Variants in FAAH2 observed in about 807,000 individuals in gnomAD.
The protein encoded by FAAH2 is fatty-acid amide hydrolase 2.
A neutral mutation model predicts 36.9 loss-of-function variants in FAAH2; 60 were observed. The ratio of observed to expected loss-of-function variants is 1.63; its 90% CI spans 1.32 to 2.02. The LOEUF is 2.02. Among genes scored for constraint, FAAH2 ranks in the 30% most tolerant of loss-of-function variants. FAAH2 has a pLI of 0.00. For missense variants in FAAH2, 689 were observed against 397.5 expected, an observed-to-expected ratio of 1.73 and a Z score of -6.23; for synonymous variants, 214 against 143.8, an observed-to-expected ratio of 1.49 and a Z score of -3.49.
chrX:57,446,381 C>A (rs1241466367), intron 8 of FAAH2, among the ~76,000 whole-genome samples: 2 of 112,194 alleles, frequency 1.8e-5, no homozygotes, highest in East Asian at 5.6e-4. Context: ...GCATTCTATT[C>A]AGCCATCCTG....
At chrX:57,212,139 C>A in the FAAH2 span, among the ~76,000 whole-genome samples, 1 of 111,433 alleles carries the variant, frequency 9.0e-6, no homozygotes, top group Non-Finnish European at 1.9e-5. Flanking sequence ...GCTGATGTGG[C>A]AGAAGGATTG....
At chrX:57,164,651 A>G in the FAAH2 span, among the ~76,000 whole-genome samples, 1 of 112,681 alleles carries the variant, frequency 8.9e-6, no homozygotes, top group Non-Finnish European at 1.9e-5. Context: ...AATTTGAAAT[A>G]ATTTAGAAAT....
chrX:57,250,876 C>A, the FAAH2 span, among the ~76,000 whole-genome samples: 2 of 111,072 alleles, frequency 1.8e-5, no homozygotes, highest in Admixed American at 1.9e-4. Context: ...AAAACTTTCC[C>A]AACAAATAGA....
At chrX:57,273,286 A>G in the FAAH2 span, among the ~76,000 whole-genome samples, 4 of 111,467 alleles carry the variant, frequency 3.6e-5, no homozygotes, top group Middle Eastern at 4.6e-3. Context: ...ACCTAGAAAG[A>G]CTTAGACTCC....
chrX:57,262,286 G>C, the FAAH2 span, among the ~76,000 whole-genome samples: 1 of 111,023 alleles, frequency 9.0e-6, no homozygotes, highest in Non-Finnish European at 1.9e-5. Flanking sequence ...TGAAAACTCA[G>C]ATATGTGCTT....
At chrX:57,172,394 A>T in the FAAH2 span, among the ~76,000 whole-genome samples, 3 of 110,754 alleles carry the variant, frequency 2.7e-5, no homozygotes, top group African/African-American at 9.9e-5. Context: ...GAGCATACAG[A>T]TGGGCAGGTT....
chrX:57,151,520 A>G, the FAAH2 span, among the ~76,000 whole-genome samples: 1 of 110,786 alleles, frequency 9.0e-6, no homozygotes, highest in East Asian at 2.8e-4. Flanking sequence ...TTCATCTTCC[A>G]TCGTTGATAC....
At chrX:57,158,633 G>A in the FAAH2 span, among the ~76,000 whole-genome samples, 1 of 112,318 alleles carries the variant, frequency 8.9e-6, no homozygotes, top group Non-Finnish European at 1.9e-5. Context: ...TCTGTTGGCT[G>A]CATAAATGTC....
chrX:57,474,245 T>A (rs2057222731), intron 10 of FAAH2, among the ~76,000 whole-genome samples: 1 of 111,508 alleles, frequency 9.0e-6, no homozygotes, highest in Non-Finnish European at 1.9e-5. Flanking sequence ...AGAATATGCA[T>A]CTTTGTTACA....
At chrX:57,367,175 T>C (rs1602421438) in intron 5 of FAAH2, among the ~76,000 whole-genome samples, 2 of 113,017 alleles carry the variant, frequency 1.8e-5, no homozygotes, top group Non-Finnish European at 3.7e-5. Context: ...CGTATTCAGA[T>C]AAGATGTTGA....
rs774149217 is a variant in FAAH2 at position 57,349,221 on chromosome X, GTGTA to G, written c.742+7841_742+7844del. Among the ~76,000 whole-genome samples the G allele has an allele frequency of 1.6e-3, 129 of 82,122 alleles. 4 individuals carry two copies. The highest frequency in any genetic ancestry group is 0.015 in the South Asian group (25 of 1,664). The allele number at this position is 82,122 out of a possible 115,157, so 71.3% of individuals were successfully genotyped here. A position where few individuals can be genotyped will look rare whatever the true frequency, so the allele number is the denominator to read the frequency against. ...TACATATACATATATACATATATATGTGTATGTATGTATATATGTATGTATATCT... is the reference window on the plus strand; with the variant it reads ...TACATATACATATATACATATATATGTGTATGTATATATGTATGTATATCT... On this transcript the variant is annotated intron_variant, in intron 5 of 10. Transcript: ENST00000374900.
At chrX:57,459,086 A>G (rs1183725437) in intron 10 of FAAH2, among the ~76,000 whole-genome samples, 1 of 112,504 alleles carries the variant, frequency 8.9e-6, no homozygotes, top group Non-Finnish European at 1.9e-5. Context: ...CTGGCTTGAA[A>G]TTCTCACAGC....
chrX:57,471,696 C>A (rs2057170332), intron 10 of FAAH2, among the ~76,000 whole-genome samples: 2 of 111,621 alleles, frequency 1.8e-5, no homozygotes, highest in South Asian at 3.7e-4. Flanking sequence ...CAATGCCATT[C>A]CCATCAACCT....
At chrX:57,486,845 G>T (rs901291219) in intron 10 of FAAH2, among the ~76,000 whole-genome samples, 1 of 111,671 alleles carries the variant, frequency 9.0e-6, no homozygotes, top group African/African-American at 3.3e-5. Flanking sequence ...GGCTGGAGGG[G>T]CTATCTCCCA....
chrX:57,167,237 A>G, the FAAH2 span, among the ~76,000 whole-genome samples: 1 of 110,933 alleles, frequency 9.0e-6, no homozygotes, highest in Admixed American at 9.6e-5. Context: ...AAACGGCCCC[A>G]TTTTCCTAGC....
chrX:57,226,705 G>A, the FAAH2 span, among the ~76,000 whole-genome samples: 3 of 112,159 alleles, frequency 2.7e-5, no homozygotes, highest in African/African-American at 9.7e-5. Context: ...TCTCTAGCAA[G>A]GCTGGGAAAG....
At position 57,488,869 on chromosome X, in the gene FAAH2, C is replaced by T. The variant is rs1346237939; in HGVS notation, c.1536C>T (p.Thr512=). 27 of 1,208,720 alleles carry T rather than the reference C, an allele frequency of 2.2e-5. No homozygotes were observed. Among genetic ancestry groups the T allele is most frequent in the Non-Finnish European group, 2.7e-5 (24 of 894,957 alleles). The change falls in exon 11 of 11, where the codon ACC becomes ACT. Residue 512 remains threonine (T), a synonymous_variant. Coordinates refer to ENST00000374900, the MANE Select transcript of FAAH2 (RefSeq NM_174912.4). The stretch of plus-strand genomic sequence containing the variant: ...CTGGACCCTTTAATGATCATCTGAC[C>T]CTGGCTGTGGCCCAGTACTTGGAGA... ...VVAGPFNDHL[T]LAVAQYLEKT... is the part of the protein sequence containing the mutation.
the FAAH2 span, among the ~76,000 whole-genome samples, chrX:57,149,711 C>T: frequency 9.0e-6 from 1 of 111,135 alleles, no homozygotes; most frequent in African/African-American, 3.3e-5. Context: ...AAAAACAGCT[C>T]CTGGATTCAT....
the FAAH2 span, among the ~76,000 whole-genome samples, chrX:57,211,207 G>A: frequency 0.34 from 37,207 of 110,600 alleles, 5,179 homozygotes; most frequent in Middle Eastern, 0.61. Flanking sequence ...TCCAGTGGCA[G>A]CCTCATAAGG....
Sources: allele counts gnomAD v4.1 joint callset (sites outside exome capture counted in the v4.1 genomes callset), GRCh38; gene constraint gnomAD v4.1.1; transcripts MANE v1.5; gene names NCBI Gene and HGNC (gene_info 2026-07-23, HGNC 2026-07-21).